RBPMS: variants seen among roughly 807,000 people sequenced by gnomAD.
The protein encoded by RBPMS is RNA-binding protein with multiple splicing.
Under a neutral mutation model 26.8 loss-of-function variants are expected in RBPMS, and 7 were observed. That is an observed-to-expected ratio of 0.26 (90% CI 0.15 to 0.49). RBPMS has a LOEUF of 0.49. RBPMS is among the 20% of genes least tolerant of loss of function. The probability of loss-of-function intolerance (pLI) is 0.98; values close to 1 mark genes in which losing one functional copy is unlikely to be tolerated. For synonymous variants in RBPMS, 96 were observed against 93.3 expected (o/e 1.03, Z -0.17); for missense variants, 186 against 250.0 (o/e 0.74, Z 1.73).
intron 5 of RBPMS, among the ~76,000 whole-genome samples, chr8:30,514,680 C>CTTTTTTTTTTTTTTTTTT (rs577244764): frequency 1.2e-5 from 1 of 82,652 alleles, no homozygotes; most frequent in Non-Finnish European, 2.3e-5. Context: ...CCATGCCGGG[C>CTTTTTTTTTTTTTTTTTT]TTTTTTTTTT....
chr8:30,539,912 C>G (rs958686001), intron 5 of RBPMS, among the ~76,000 whole-genome samples: 5 of 152,172 alleles, frequency 3.3e-5, no homozygotes, highest in African/African-American at 1.2e-4. Context: ...AGGCGTAAAC[C>G]ACTGCATCTG....
intron 1 of RBPMS, among the ~76,000 whole-genome samples, chr8:30,408,524 C>A (rs1195442213): frequency 3.9e-5 from 6 of 152,086 alleles, no homozygotes; most frequent in Non-Finnish European, 8.8e-5. Flanking sequence ...ACGAGACTGT[C>A]TCAAAAACAA....
At chr8:30,563,372 C>T (rs534157367) in intron 7 of RBPMS, among the ~76,000 whole-genome samples, 1 of 152,370 alleles carries the variant, frequency 6.6e-6, no homozygotes, top group East Asian at 1.9e-4. Context: ...ACACTGAGAA[C>T]AGGCGAGCAT....
In RBPMS at chr8:30,459,231, G is replaced by A. The variant is rs538920238; in HGVS notation, c.67-15548G>A. Among the ~76,000 whole-genome samples, 14 of 151,704 alleles carry A rather than the reference G, an allele frequency of 9.2e-5. No individual in the cohort carries two copies. The South Asian group carries it at 2.7e-3, about 29-fold the overall frequency. On this transcript the variant is annotated intron_variant, in intron 1 of 8. Coordinates refer to ENST00000397323, the MANE Select transcript of RBPMS (RefSeq NM_001008710.3). The stretch of plus-strand genomic sequence containing the variant: ...CCCATCTTGGCCTCCCAAAGTGCTT[G>A]GATTACAGGCATGAGCCACTGCCCC...
intron 1 of RBPMS, among the ~76,000 whole-genome samples, chr8:30,412,378 A>G (rs535246509): frequency 6.6e-6 from 1 of 152,012 alleles, no homozygotes; most frequent in Admixed American, 6.5e-5. Flanking sequence ...CTGAGCCCAG[A>G]TGACTGTGGC....
intron 5 of RBPMS, among the ~76,000 whole-genome samples, chr8:30,540,480 T>C (rs1461453808): frequency 6.6e-6 from 1 of 152,154 alleles, no homozygotes; most frequent in Non-Finnish European, 1.5e-5. Flanking sequence ...AGAAGTGTAG[T>C]GGCACAGTCA....
intron 1 of RBPMS, among the ~76,000 whole-genome samples, chr8:30,408,682 GTAAC>G (rs1808934187): frequency 6.6e-6 from 1 of 152,204 alleles, no homozygotes. Context: ...TCTGGTGACA[GTAAC>G]ACCCAATGTT....
chr8:30,477,618 T>C (rs1817836172), intron 2 of RBPMS, among the ~76,000 whole-genome samples, 181 bp from the exon 3 acceptor site: 1 of 34,680 alleles, frequency 2.9e-5, no homozygotes, highest in Non-Finnish European at 5.5e-5. Context: ...GCCCCAAGAA[T>C]GCAAACAGGT....
At chr8:30,547,317 A>G in intron 6 of RBPMS, 2 of 1,612,724 alleles carry the variant, frequency 1.2e-6, no homozygotes, top group Non-Finnish European at 1.7e-6. Context: ...GCAAAGCCCA[A>G]CACACCTGTC....
intron 1 of RBPMS, among the ~76,000 whole-genome samples, chr8:30,457,981 C>T (rs549739830): frequency 6.6e-6 from 1 of 152,240 alleles, no homozygotes; most frequent in South Asian, 2.1e-4. Flanking sequence ...GTGGGGGGAT[C>T]GGTTCCAGGA....
At chr8:30,447,221 A>G (rs1813973563) in intron 1 of RBPMS, among the ~76,000 whole-genome samples, 1 of 152,128 alleles carries the variant, frequency 6.6e-6, no homozygotes, top group Non-Finnish European at 1.5e-5. Flanking sequence ...CTCAATGGAA[A>G]GTGTAATTGC....
chr8:30,411,519 G>A (rs971848846), intron 1 of RBPMS, among the ~76,000 whole-genome samples: 6 of 151,986 alleles, frequency 3.9e-5, no homozygotes, highest in Non-Finnish European at 5.9e-5. Flanking sequence ...TTAAAAATTA[G>A]CTGGGCATCG....
At chr8:30,444,455 T>C (rs899278299) in intron 1 of RBPMS, among the ~76,000 whole-genome samples, 5 of 152,132 alleles carry the variant, frequency 3.3e-5, no homozygotes, top group Admixed American at 3.3e-4. Context: ...GAGTTGTGGA[T>C]TAGAGGTTGT....
At chr8:30,537,597 T>C (rs1245808505) in intron 5 of RBPMS, 1 of 456,226 alleles carries the variant, frequency 2.2e-6, no homozygotes, top group East Asian at 6.9e-5. Flanking sequence ...CTAATGAACA[T>C]GGAGAGAGGC....
In RBPMS at chr8:30,482,405, T is replaced by A. The variant is rs541747747; in HGVS notation, c.246+3028T>A. On this transcript the variant is annotated intron_variant, in intron 4 of 8. Coordinates refer to ENST00000397323, the MANE Select transcript of RBPMS (RefSeq NM_001008710.3). ...ATAATACTTCAGTGTTATGAACGAC[T>A]TCTCCATGTTTAATTTCTCTTTTTG... Among the ~76,000 whole-genome samples the A allele has an allele frequency of 2.6e-5, 4 of 152,366 alleles. No homozygotes were observed. The East Asian group carries it at 7.7e-4, about 29-fold the overall frequency.
chr8:30,537,582 T>C (rs1824929098), intron 5 of RBPMS: 1 of 456,048 alleles, frequency 2.2e-6, no homozygotes, highest in African/African-American at 2.0e-5. Context: ...CATCAGTAGG[T>C]GGAGCTAATG....
intron 1 of RBPMS, among the ~76,000 whole-genome samples, chr8:30,457,425 A>T (rs185177705): frequency 1.5e-4 from 23 of 152,278 alleles, no homozygotes; most frequent in Admixed American, 1.4e-3. Flanking sequence ...AGTATTAATA[A>T]TGAAATATTT....
intron 1 of RBPMS, among the ~76,000 whole-genome samples, chr8:30,427,341 A>G (rs536555075): frequency 1.3e-5 from 2 of 152,282 alleles, no homozygotes. Context: ...GGGTCCAGGT[A>G]GCTAGCCTGT....
chr8:30,531,546 T>C (rs1277190375), intron 5 of RBPMS, among the ~76,000 whole-genome samples: 2 of 152,242 alleles, frequency 1.3e-5, no homozygotes, highest in Admixed American at 1.3e-4. Flanking sequence ...CAGTTTTCTT[T>C]TGGTATTTCA....
Sources: allele counts gnomAD v4.1 joint callset (sites outside exome capture counted in the v4.1 genomes callset), GRCh38; gene constraint gnomAD v4.1.1; transcripts MANE v1.5; gene names NCBI Gene and HGNC (gene_info 2026-07-23, HGNC 2026-07-21).